Variants in MAGI1 observed in about 807,000 individuals in gnomAD.
The protein encoded by MAGI1 is membrane associated guanylate kinase, WW and PDZ domain containing 1.
MAGI1 carries 58 observed loss-of-function variants against 139.9 expected under a neutral mutation model. The ratio of observed to expected loss-of-function variants is 0.41; its 90% CI spans 0.34 to 0.52. The LOEUF (loss-of-function observed/expected upper bound fraction) is 0.52, where lower values mean the gene tolerates loss of function less well. MAGI1 is among the 20% of genes least tolerant of loss of function. The probability of loss-of-function intolerance (pLI) is 0.12; values close to 1 mark genes in which losing one functional copy is unlikely to be tolerated. For synonymous variants in MAGI1, 812 were observed against 737.9 expected (o/e 1.10, Z -1.63); for missense variants, 1,874 against 1,901.6 (o/e 0.99, Z 0.27).
intron 5 of MAGI1, among the ~76,000 whole-genome samples, chr3:65,462,780 C>G (rs1426641191): frequency 5.9e-5 from 9 of 152,076 alleles, no homozygotes; most frequent in Non-Finnish European, 1.0e-4. Flanking sequence ...TATTTGTGTC[C>G]TCTCTTATCT....
chr3:65,421,268 TC>T (rs1057045034), intron 12 of MAGI1, among the ~76,000 whole-genome samples: 3 of 152,136 alleles, frequency 2.0e-5, no homozygotes, highest in African/African-American at 7.2e-5. Flanking sequence ...GCCAGAAGGC[TC>T]CTTTAATACC....
chr3:65,844,542 T>G, intron 1 of MAGI1: 2 of 211,918 alleles, frequency 9.4e-6, no homozygotes, highest in South Asian at 1.6e-4. Context: ...AGTTTTAACA[T>G]ATTGAAAGCT....
At chr3:66,011,776 T>A (rs907733954) in intron 1 of MAGI1, among the ~76,000 whole-genome samples, 9 of 150,156 alleles carry the variant, frequency 6.0e-5, no homozygotes, top group African/African-American at 2.0e-4. Flanking sequence ...CCCTAACCAA[T>A]GTCCTATATG....
chr3:65,728,215 T>C (rs1212277300), intron 1 of MAGI1, among the ~76,000 whole-genome samples: 1 of 152,118 alleles, frequency 6.6e-6, no homozygotes, highest in Non-Finnish European at 1.5e-5. Flanking sequence ...GATTCCCATA[T>C]GAGGCAAATG....
chr3:65,799,612 A>G (rs2040389266), intron 1 of MAGI1, among the ~76,000 whole-genome samples: 1 of 152,176 alleles, frequency 6.6e-6, no homozygotes, highest in African/African-American at 2.4e-5. Flanking sequence ...AGTATACTAT[A>G]GAATTTGGTA....
chr3:66,038,314 G>A lies in MAGI1; in HGVS notation c.-6C>T, dbSNP rs1265153334. 1 of 1,544,528 alleles carries A rather than the reference G, an allele frequency of 6.5e-7. No homozygotes were observed. On this transcript the variant is annotated 5_prime_UTR_variant, in exon 1 of 23. Transcript: ENST00000402939. ...TTCTGGATCACTTTGGACATGATGA[G>A]TTACACCCCTCCTCCAAAAAAATAA...
intron 2 of MAGI1, among the ~76,000 whole-genome samples, chr3:65,532,270 C>T (rs2078749272): frequency 6.6e-6 from 1 of 152,184 alleles, no homozygotes; most frequent in Admixed American, 6.5e-5. Context: ...CTCCTGCTTT[C>T]TTCTCTGACC....
intron 1 of MAGI1, among the ~76,000 whole-genome samples, chr3:65,881,108 ACTC>A (rs908737411): frequency 4.0e-5 from 6 of 150,312 alleles, no homozygotes; most frequent in African/African-American, 1.5e-4. Flanking sequence ...CTGGTCTTGA[ACTC>A]CTGAGCTCAA....
chr3:65,707,324 G>C (rs2030501865), intron 1 of MAGI1, among the ~76,000 whole-genome samples: 1 of 152,196 alleles, frequency 6.6e-6, no homozygotes, highest in Admixed American at 6.5e-5. Context: ...ATGCAATTGA[G>C]ATGGCAAAAG....
intron 1 of MAGI1, among the ~76,000 whole-genome samples, chr3:65,747,436 C>A (rs1228056169): frequency 6.6e-6 from 1 of 152,186 alleles, no homozygotes; most frequent in Non-Finnish European, 1.5e-5. Flanking sequence ...ACTCTTCTCA[C>A]TAAATATTTA....
At chr3:65,937,002 G>C (rs3821908) in intron 1 of MAGI1, among the ~76,000 whole-genome samples, 119,158 of 151,174 alleles carry the variant, frequency 0.79, 47,088 homozygotes, top group Middle Eastern at 0.85. Flanking sequence ...GGTGGTGGTG[G>C]TGGTTGTTTT....
intron 1 of MAGI1, among the ~76,000 whole-genome samples, chr3:65,964,074 A>C (rs1417857995): frequency 6.6e-6 from 1 of 152,180 alleles, no homozygotes; most frequent in African/African-American, 2.4e-5. Context: ...ACATTTCTGC[A>C]AGGAAGCTTT....
chr3:66,007,499 T>C (rs904951098), intron 1 of MAGI1, among the ~76,000 whole-genome samples: 2 of 151,930 alleles, frequency 1.3e-5, no homozygotes, highest in Admixed American at 6.6e-5. Flanking sequence ...CCAACTCTAG[T>C]GAGGAGGAGG....
At chr3:65,636,606 T>C (rs573525417) in intron 1 of MAGI1, among the ~76,000 whole-genome samples, 1 of 152,262 alleles carries the variant, frequency 6.6e-6, no homozygotes, top group Admixed American at 6.5e-5. Flanking sequence ...GTATTAACAT[T>C]GCCCTTAATG....
chr3:65,656,979 C>CAAAAAAAAAAAAAAAAAA (rs58817001), intron 1 of MAGI1, among the ~76,000 whole-genome samples: 2 of 73,960 alleles, frequency 2.7e-5, no homozygotes, highest in Non-Finnish European at 4.8e-5. Context: ...GACACCATCT[C>CAAAAAAAAAAAAAAAAAA]AAAAAAAAAA....
intron 2 of MAGI1, among the ~76,000 whole-genome samples, chr3:65,526,040 T>C (rs1035506441): frequency 1.3e-5 from 2 of 152,202 alleles, no homozygotes; most frequent in African/African-American, 2.4e-5. Context: ...TTTTGTTATA[T>C]GTAATTAGTT....
chr3:65,589,282 C>T (rs1040555042), intron 2 of MAGI1, among the ~76,000 whole-genome samples: 3 of 152,212 alleles, frequency 2.0e-5, no homozygotes, highest in Non-Finnish European at 4.4e-5. Context: ...AACTTAAACA[C>T]GCTGTTTTGG....
At chr3:65,724,019 A>G (rs1308328798) in intron 1 of MAGI1, among the ~76,000 whole-genome samples, 1 of 152,234 alleles carries the variant, frequency 6.6e-6, no homozygotes, top group Non-Finnish European at 1.5e-5. Flanking sequence ...CTTCAAAGAA[A>G]GCAACTTAAT....
At chr3:65,852,178 G>T (rs562099217) in intron 1 of MAGI1, among the ~76,000 whole-genome samples, 1 of 152,236 alleles carries the variant, frequency 6.6e-6, no homozygotes, top group African/African-American at 2.4e-5. Context: ...GTCCTCCTTG[G>T]TGGCCCTATC....
Sources: allele counts gnomAD v4.1 joint callset (sites outside exome capture counted in the v4.1 genomes callset), GRCh38; gene constraint gnomAD v4.1.1; transcripts MANE v1.5; gene names NCBI Gene and HGNC (gene_info 2026-07-23, HGNC 2026-07-21).